XKR9: variants seen among roughly 807,000 people sequenced by gnomAD.
XKR9 encodes the protein XK related 9.
In XKR9, 32 loss-of-function variants were observed where a neutral mutation model predicts 32.0. The observed-to-expected ratio is 1.00, with a 90% CI of 0.76 to 1.34. The LOEUF is 1.34. Ranked by LOEUF, XKR9 falls within the 40% of genes most tolerant of loss-of-function variation. XKR9 has a pLI of 0.00. For missense variants in XKR9, 546 were observed against 429.7 expected (o/e 1.27, Z -2.39); for synonymous variants, 168 against 143.4 (o/e 1.17, Z -1.22).
chr8:70,991,260 G>A, the XKR9 span, among the ~76,000 whole-genome samples: 5 of 152,220 alleles, frequency 3.3e-5, no homozygotes, highest in South Asian at 2.1e-4. Flanking sequence ...AGCATGAAAC[G>A]GAGGCTGTAG....
intron 2 of XKR9, among the ~76,000 whole-genome samples, chr8:70,771,966 T>A (rs1807459709): frequency 1.3e-5 from 2 of 152,144 alleles, no homozygotes. Flanking sequence ...CTACATGAGA[T>A]TTAGATAAAC....
the XKR9 span, among the ~76,000 whole-genome samples, chr8:70,860,796 T>C: frequency 6.6e-6 from 1 of 151,970 alleles, no homozygotes; most frequent in Non-Finnish European, 1.5e-5. Context: ...GGCAATGAGC[T>C]TTGGACTTGG....
At chr8:70,825,880 A>G in the XKR9 span, among the ~76,000 whole-genome samples, 2 of 152,078 alleles carry the variant, frequency 1.3e-5, no homozygotes, top group Non-Finnish European at 2.9e-5. Flanking sequence ...CACAATGCCA[A>G]AAAATGGAAT....
chr8:71,050,148 TA>T, the XKR9 span, among the ~76,000 whole-genome samples: 1 of 151,290 alleles, frequency 6.6e-6, no homozygotes, highest in East Asian at 1.9e-4. Context: ...GGCTCATCTA[TA>T]AAAAGGAAGA....
At chr8:70,754,833 C>G (rs1197266334) in intron 2 of XKR9, among the ~76,000 whole-genome samples, 1 of 151,994 alleles carries the variant, frequency 6.6e-6, no homozygotes, top group Non-Finnish European at 1.5e-5. Flanking sequence ...TAGGCATTAC[C>G]ATTCAGGACA....
At chr8:70,902,035 A>G in the XKR9 span, among the ~76,000 whole-genome samples, 3 of 152,126 alleles carry the variant, frequency 2.0e-5, no homozygotes, top group Non-Finnish European at 4.4e-5. Context: ...TTTTGGTACC[A>G]TGCTGTTTTG....
At chr8:70,784,441 C>CT (rs1554557615) in intron 2 of XKR9, among the ~76,000 whole-genome samples, 2 of 151,040 alleles carry the variant, frequency 1.3e-5, no homozygotes, top group African/African-American at 2.4e-5. Flanking sequence ...AAATTTATTC[C>CT]TTTTTTTGTA....
the XKR9 span, among the ~76,000 whole-genome samples, chr8:70,807,324 A>T: frequency 1.3e-5 from 2 of 152,186 alleles, no homozygotes; most frequent in African/African-American, 4.8e-5. Context: ...CAAAATATAA[A>T]GGCCAAGACA....
chr8:70,893,917 G>A, the XKR9 span, among the ~76,000 whole-genome samples: 2 of 151,996 alleles, frequency 1.3e-5, no homozygotes, highest in African/African-American at 4.8e-5. Context: ...TGGGGTGCAA[G>A]TTCACTCTCT....
chr8:70,875,696 C>G, the XKR9 span, among the ~76,000 whole-genome samples: 82 of 152,116 alleles, frequency 5.4e-4, no homozygotes, highest in Middle Eastern at 3.4e-3. Context: ...TCAACATACT[C>G]CATTTAAGAA....
At chr8:70,720,273 A>G (rs188771327) in intron 4 of XKR9, among the ~76,000 whole-genome samples, 14 of 152,234 alleles carry the variant, frequency 9.2e-5, no homozygotes, top group South Asian at 2.1e-4. Flanking sequence ...CTGTCTTCCC[A>G]TTTGAATACC....
chr8:70,757,076 C>G (rs186943436), intron 2 of XKR9, among the ~76,000 whole-genome samples: 2 of 151,576 alleles, frequency 1.3e-5, no homozygotes, highest in African/African-American at 4.8e-5. Flanking sequence ...TTTTCAAATT[C>G]TTTTTCTGTG....
intron 3 of XKR9, among the ~76,000 whole-genome samples, chr8:70,700,268 G>C (rs1410494218): frequency 6.6e-6 from 1 of 152,164 alleles, no homozygotes; most frequent in East Asian, 1.9e-4. Flanking sequence ...CTGCTTTTTA[G>C]AGTTTCCAGT....
the XKR9 span, among the ~76,000 whole-genome samples, chr8:70,836,333 A>G: frequency 6.6e-6 from 1 of 152,044 alleles, no homozygotes. Context: ...ATCACCCTAA[A>G]GGGTTCCCCC....
chr8:70,781,473 T>A (rs1458369626), intron 2 of XKR9, among the ~76,000 whole-genome samples: 1 of 151,934 alleles, frequency 6.6e-6, no homozygotes, highest in Non-Finnish European at 1.5e-5. Context: ...ATGCAATGTG[T>A]GATGGTCAAA....
At chr8:70,815,957 C>T in the XKR9 span, among the ~76,000 whole-genome samples, 1 of 152,102 alleles carries the variant, frequency 6.6e-6, no homozygotes. Context: ...TGTCCATACA[C>T]ATGCATGTGT....
chr8:70,845,788 G>A, the XKR9 span, among the ~76,000 whole-genome samples: 1 of 151,992 alleles, frequency 6.6e-6, no homozygotes, highest in East Asian at 1.9e-4. Context: ...AAAAACCAAA[G>A]CCCATGTGAC....
At position 70,716,602 on chromosome 8, in the gene XKR9, A is replaced by G. The variant is rs574718992; in HGVS notation, c.493+9449A>G. Among the ~76,000 whole-genome samples, 3 of 152,258 alleles carry G rather than the reference A, an allele frequency of 2.0e-5. No individual in the cohort carries two copies. In the East Asian group the frequency reaches 5.8e-4, roughly 29 times the overall value. On this transcript the variant is annotated intron_variant, in intron 4 of 4. Coordinates refer to ENST00000408926, the MANE Select transcript of XKR9 (RefSeq NM_001011720.2). ...GAACAACATGGGGGAAACTACCCCT[A>G]TGATTCAGTTACCTCTACCGTGTCC...
At chr8:71,044,751 A>G in the XKR9 span, among the ~76,000 whole-genome samples, 2 of 152,202 alleles carry the variant, frequency 1.3e-5, no homozygotes, top group South Asian at 4.1e-4. Context: ...ACAAAGAAAA[A>G]TTTAATGCAT....
Sources: allele counts gnomAD v4.1 joint callset (sites outside exome capture counted in the v4.1 genomes callset), GRCh38; gene constraint gnomAD v4.1.1; transcripts MANE v1.5; gene names NCBI Gene and HGNC (gene_info 2026-07-23, HGNC 2026-07-21).